The following ARHGEF38 variants were observed in gnomAD, a reference collection of about 807,000 sequenced individuals.
ARHGEF38 encodes Rho guanine nucleotide exchange factor (GEF) 38.
ARHGEF38 carries 79 observed loss-of-function variants against 79.9 expected under a neutral mutation model. That is an observed-to-expected ratio of 0.99 (90% CI 0.82 to 1.19). The LOEUF is 1.19. Ranked by LOEUF, ARHGEF38 falls within the 50% of genes most tolerant of loss-of-function variation. The pLI is 0.00. For synonymous variants in ARHGEF38, 366 were observed against 328.3 expected (o/e 1.11, Z -1.24); for missense variants, 962 against 907.2 (o/e 1.06, Z -0.78).
chr4:105,581,529 A>G (rs369997428), intron 1 of ARHGEF38, among the ~76,000 whole-genome samples: 1 of 152,196 alleles, frequency 6.6e-6, no homozygotes, highest in Admixed American at 6.5e-5. Flanking sequence ...AATCTCTTTA[A>G]CTTTGTATAA....
chr4:105,596,411 C>A (rs1268241069), intron 2 of ARHGEF38, among the ~76,000 whole-genome samples: 1 of 151,984 alleles, frequency 6.6e-6, no homozygotes. Flanking sequence ...TCATACCAAC[C>A]CTGTCAGAGA....
At chr4:105,628,162 C>T (rs1729031087) in intron 3 of ARHGEF38, among the ~76,000 whole-genome samples, 1 of 152,090 alleles carries the variant, frequency 6.6e-6, no homozygotes. Flanking sequence ...TGTTTTAGCT[C>T]TTCTTTGTTT....
intron 1 of ARHGEF38, among the ~76,000 whole-genome samples, chr4:105,561,369 T>A: frequency 7.0e-6 from 1 of 141,998 alleles, no homozygotes; most frequent in Non-Finnish European, 1.5e-5. Flanking sequence ...GCCACTGCAC[T>A]CCAGCCTGGA....
rs563398942 is a variant in ARHGEF38 at position 105,603,735 on chromosome 4, A to G, written c.385-9649A>G. ...TGCAGCTGGTCCATAGGAAGCATTC[A>G]AGCATCCCTGACCCCCAAGAACTGT... On this transcript the variant is annotated intron_variant, in intron 2 of 13. Coordinates refer to ENST00000420470, the MANE Select transcript of ARHGEF38 (RefSeq NM_001242729.2). 6.6e-5 allele frequency among the ~76,000 whole-genome samples: 10 copies of G among 152,242 alleles called. No individual in the cohort carries two copies. In the East Asian group the frequency reaches 1.2e-3, roughly 18 times the overall value.
At chr4:105,575,308 A>G (rs532135378) in intron 1 of ARHGEF38, among the ~76,000 whole-genome samples, 1 of 152,224 alleles carries the variant, frequency 6.6e-6, no homozygotes, top group South Asian at 2.1e-4. Context: ...TTACATCTAC[A>G]TCAACATCTA....
At chr4:105,587,155 C>A (rs542848380) in intron 1 of ARHGEF38, among the ~76,000 whole-genome samples, 1 of 152,202 alleles carries the variant, frequency 6.6e-6, no homozygotes, top group East Asian at 1.9e-4. Flanking sequence ...GCAAATATTA[C>A]AAATTAGGCT....
At chr4:105,659,746 G>C (rs1386545465) in intron 10 of ARHGEF38, among the ~76,000 whole-genome samples, 3 of 151,946 alleles carry the variant, frequency 2.0e-5, no homozygotes, top group East Asian at 1.9e-4. Context: ...TTAAGATGTG[G>C]CTCTAAAAAG....
rs181032727 is a variant in ARHGEF38, at chr4:105,649,227, A to G, written c.1008+545A>G. Among the ~76,000 whole-genome samples, 624 of 152,250 alleles carry G rather than the reference A, an allele frequency of 4.1e-3. 6 individuals are homozygous for G. Among genetic ancestry groups the G allele is most frequent in the African/African-American group, 0.014 (587 of 41,546 alleles). ...CAGATGCACATTATATTAGTGAGTA[A>G]CAGTCCTGTGTCAGCTGTTTAGCCT... On this transcript the variant is annotated intron_variant, in intron 7 of 13. Transcript: ENST00000420470.
At chr4:105,622,909 C>T (rs368491644) in intron 3 of ARHGEF38, among the ~76,000 whole-genome samples, 5 of 152,190 alleles carry the variant, frequency 3.3e-5, no homozygotes, top group African/African-American at 1.2e-4. Context: ...TTTGCACACA[C>T]ACTTGGCCAT....
chr4:105,642,285 C>G (rs777649150), intron 5 of ARHGEF38, among the ~76,000 whole-genome samples: 5 of 152,184 alleles, frequency 3.3e-5, no homozygotes, highest in Admixed American at 6.5e-5. Context: ...GGGCAACTCT[C>G]TCAAGTATAT....
intron 1 of ARHGEF38, among the ~76,000 whole-genome samples, chr4:105,568,602 T>C (rs1560690282): frequency 2.0e-5 from 3 of 152,224 alleles, no homozygotes; most frequent in Admixed American, 6.5e-5. Context: ...CTAATATTCT[T>C]TGATTTGTAT....
intron 1 of ARHGEF38, among the ~76,000 whole-genome samples, chr4:105,574,562 AAAAAAG>A (rs1726393777): frequency 7.2e-6 from 1 of 139,752 alleles, no homozygotes; most frequent in Admixed American, 7.4e-5. Context: ...AAAAAAAAAA[AAAAAAG>A]AAGTGGCAAG....
intron 5 of ARHGEF38, among the ~76,000 whole-genome samples, chr4:105,640,272 C>T (rs566905938): frequency 1.3e-5 from 2 of 152,194 alleles, no homozygotes; most frequent in South Asian, 4.2e-4. Context: ...CAGAGCTAAA[C>T]CTTAAAGTGA....
At chr4:105,606,804 C>T (rs977688073) in intron 2 of ARHGEF38, among the ~76,000 whole-genome samples, 2 of 151,972 alleles carry the variant, frequency 1.3e-5, no homozygotes, top group African/African-American at 4.8e-5. Flanking sequence ...TATGGATGTA[C>T]ACACAGACAC....
chr4:105,606,489 T>C (rs1728046452), intron 2 of ARHGEF38, among the ~76,000 whole-genome samples: 1 of 152,112 alleles, frequency 6.6e-6, no homozygotes, highest in African/African-American at 2.4e-5. Context: ...TTTAAATCCA[T>C]TGGTTGTCAG....
intron 1 of ARHGEF38, among the ~76,000 whole-genome samples, chr4:105,571,356 T>TCTGTCACC (rs1726224066): frequency 6.9e-6 from 1 of 145,354 alleles, no homozygotes; most frequent in Admixed American, 7.1e-5. Context: ...GGAGTCTCAC[T>TCTGTCACC]CTGTCACCCA....
chr4:105,619,122 A>G (rs745778260), intron 3 of ARHGEF38, among the ~76,000 whole-genome samples: 19 of 152,160 alleles, frequency 1.2e-4, no homozygotes, highest in Non-Finnish European at 2.6e-4. Flanking sequence ...AATTAAGACA[A>G]TGGGGCCATA....
intron 2 of ARHGEF38, among the ~76,000 whole-genome samples, chr4:105,591,136 A>G (rs778993616): frequency 1.3e-5 from 2 of 151,566 alleles, no homozygotes; most frequent in Non-Finnish European, 3.0e-5. Flanking sequence ...ACCCATGATT[A>G]TAAAAGCATT....
At chr4:105,645,505 C>G (rs990039223) in intron 6 of ARHGEF38, 118 bp downstream of exon 6, 2 of 863,314 alleles carry the variant, frequency 2.3e-6, no homozygotes, top group African/African-American at 3.4e-5. Context: ...CATTTGAAAT[C>G]TACAATTAGA....
Sources: gnomAD v4.1 joint callset for allele counts (sites outside exome capture counted in the v4.1 genomes callset) on GRCh38, gnomAD v4.1.1 for gene constraint, MANE v1.5 for transcripts, NCBI Gene and HGNC (gene_info 2026-07-23, HGNC 2026-07-21) for gene names.